PIEZO2: variants seen among roughly 807,000 people sequenced by gnomAD.
The protein encoded by PIEZO2 is piezo-type mechanosensitive ion channel component 2.
In PIEZO2, 172 loss-of-function variants were observed where a neutral mutation model predicts 337.3. The observed-to-expected ratio is 0.51, with a 90% CI of 0.45 to 0.58. The LOEUF (loss-of-function observed/expected upper bound fraction) is 0.58. Among genes scored for constraint, PIEZO2 ranks in the 20% least tolerant of loss-of-function variants. The pLI, the probability that PIEZO2 is intolerant of heterozygous loss-of-function variation, is 0.00. For synonymous variants in PIEZO2, 1,251 were observed against 1,228.5 expected (o/e 1.02, Z -0.38); for missense variants, 3,028 against 3,391.3 (o/e 0.89, Z 2.66).
chr18:11,148,455 T>C lies in PIEZO2; in HGVS notation c.64+70A>G. ...CAGAGCACCAGAGCCCTTCACTTTG[T>C]TAAGAAGTCCCCCACCCAGGCGCCC... On this transcript the variant is annotated intron_variant, in intron 1 of 55. Coordinates refer to ENST00000674853, the MANE Select transcript of PIEZO2 (RefSeq NM_001378183.1). This position sits in a 1 kb window ranked among gnomAD's most constrained non-coding sequence, Gnocchi z 5.2. 6.7e-7 allele frequency: 1 copy of C among 1,492,590 alleles called. No homozygotes were observed. 92.5% of individuals were successfully genotyped at this position (1,492,590 alleles called of 1,614,324 possible). A position where few individuals can be genotyped will look rare whatever the true frequency, so the allele number is the denominator to read the frequency against.
At chr18:10,779,910 G>A (rs1234753293) in intron 18 of PIEZO2, among the ~76,000 whole-genome samples, 1 of 152,172 alleles carries the variant, frequency 6.6e-6, no homozygotes, top group Non-Finnish European at 1.5e-5. Context: ...GAGTGCTACG[G>A]AGGTTCAGAG....
At position 10,847,598 on chromosome 18, in the gene PIEZO2, G is replaced by T. The variant is rs953126452; in HGVS notation, c.917+7755C>A. 6.6e-6 allele frequency among the ~76,000 whole-genome samples: 1 copy of T among 152,126 alleles called. No homozygotes were observed. Among genetic ancestry groups the T allele is most frequent in the East Asian group, 1.9e-4 (1 of 5,184 alleles). ...GGATCCCGGTCCCCACTACACCCAC[G>T]TAGGCCCCCAAACGATACCAAGGTC... On this transcript the variant is annotated intron_variant, in intron 7 of 55. Coordinates refer to ENST00000674853, the MANE Select transcript of PIEZO2 (RefSeq NM_001378183.1). This position sits in a 1 kb window ranked among gnomAD's most constrained non-coding sequence, Gnocchi z 5.7.
intron 2 of PIEZO2, among the ~76,000 whole-genome samples, chr18:10,984,335 C>T (rs992523048): frequency 6.6e-6 from 1 of 151,874 alleles, no homozygotes; most frequent in African/African-American, 2.4e-5. Context: ...AGATAAACTA[C>T]TAAATTAAAT....
chr18:10,970,017 T>C (rs2034170262), intron 3 of PIEZO2, among the ~76,000 whole-genome samples: 1 of 152,160 alleles, frequency 6.6e-6, no homozygotes, highest in South Asian at 2.1e-4. Flanking sequence ...AAATGAAACA[T>C]GAGAGGTTCT....
chr18:10,789,410 G>A lies in PIEZO2; in HGVS notation c.1883-45C>T, dbSNP rs985224886. ...CTGTTATACTTAGCTGGTTATCTGT[G>A]CAGACCACACTTTGACCATGTGATA... On this transcript the variant is annotated intron_variant, in intron 14 of 55. Coordinates refer to ENST00000674853, the MANE Select transcript of PIEZO2 (RefSeq NM_001378183.1). 8.7e-6 allele frequency: 13 copies of A among 1,499,958 alleles called. No homozygotes were observed. In the Admixed American group the frequency reaches 2.6e-4, roughly 30 times the overall value. 92.9% of individuals were successfully genotyped at this position (1,499,958 alleles called of 1,614,324 possible).
rs2034302342 is a variant in PIEZO2, at chr18:10,682,344, G to A, written c.7498-52C>T. On this transcript the variant is annotated intron_variant, in intron 49 of 55. Transcript: ENST00000674853. The surrounding 1 kb of genome is among the most constrained non-coding windows in gnomAD (Gnocchi z 5.6). ...CAGGCTCAGGCTCAGGTGCTTTCCC[G>A]CAGGCAGCGGGATTGGGGGAGAGCG... is the stretch of plus-strand genomic sequence containing the variant. The A allele has an allele frequency of 1.6e-5, 23 of 1,460,624 alleles. No individual in the cohort carries two copies. The highest frequency in any genetic ancestry group is 1.5e-4 in the East Asian group (6 of 40,456). 90.5% of individuals were successfully genotyped at this position (1,460,624 alleles called of 1,614,324 possible).
chr18:10,910,400 T>C (rs1175533993), intron 4 of PIEZO2, among the ~76,000 whole-genome samples: 3 of 152,062 alleles, frequency 2.0e-5, no homozygotes, highest in African/African-American at 4.8e-5. Flanking sequence ...CTGGCCAACA[T>C]AGTGAAACCC....
At chr18:10,807,049 C>A in intron 8 of PIEZO2, 63 bp downstream of exon 8, 2 of 1,436,596 alleles carry the variant, frequency 1.4e-6, no homozygotes, top group Admixed American at 2.1e-5. Context: ...AGGAGTGAAT[C>A]ATTTCACGTG....
rs1431460581 is a variant in PIEZO2, at chr18:10,821,557, C to A, written c.918-14283G>T. On this transcript the variant is annotated intron_variant, in intron 7 of 55. Transcript: ENST00000674853. This position sits in a 1 kb window ranked among gnomAD's most constrained non-coding sequence, Gnocchi z 4.2. ...ATATTTTATTTGTAACCAGCTTATA[C>A]ATTAAAATGAATAATTACATCTTGC... is the stretch of plus-strand genomic sequence containing the variant. Among the ~76,000 whole-genome samples, 1 of 152,162 alleles carries A rather than the reference C, an allele frequency of 6.6e-6. No individual in the cohort carries two copies. Among genetic ancestry groups the A allele is most frequent in the Non-Finnish European group, 1.5e-5 (1 of 68,030 alleles).
chr18:10,880,151 T>C (rs1276668979), intron 4 of PIEZO2, among the ~76,000 whole-genome samples: 1 of 152,198 alleles, frequency 6.6e-6, no homozygotes, highest in African/African-American at 2.4e-5. Flanking sequence ...ACTGCTTATA[T>C]TTTCCTGTGT....
Position 10,760,932 on chromosome 18 carries a change from G to C in PIEZO2, c.3429C>G (p.Phe1143Leu). 6.5e-7 allele frequency: 1 copy of C among 1,532,096 alleles called. No individual in the cohort carries two copies. Among genetic ancestry groups the C allele is most frequent in the Non-Finnish European group, 8.8e-7 (1 of 1,142,826 alleles). 94.9% of individuals were successfully genotyped at this position (1,532,096 alleles called of 1,614,324 possible). ...TCACCTCCAGACCAAACTTGTAAAA[G>C]AAGTAATTAATGAAATATTTGGCAC... ...INCAKYFINY[F>L]FYKFGLETCF... The change falls in exon 24 of 56, where the codon TTC (phenylalanine) becomes TTG (leucine). Residue 1143 changes from phenylalanine (F) to leucine (L), a missense_variant. By Grantham distance (22) the Phe-to-Leu change is conservative. Coordinates refer to ENST00000674853, the MANE Select transcript of PIEZO2 (RefSeq NM_001378183.1).
intron 49 of PIEZO2, among the ~76,000 whole-genome samples, chr18:10,688,046 T>C (rs2034628727): frequency 6.6e-6 from 1 of 152,242 alleles, no homozygotes. Context: ...TGTGTAGGTT[T>C]GTTACATAGG....
chr18:11,034,295 T>C (rs2036845487), intron 2 of PIEZO2, among the ~76,000 whole-genome samples: 1 of 149,988 alleles, frequency 6.7e-6, no homozygotes, highest in Non-Finnish European at 1.5e-5. Context: ...ATTTCTTTTC[T>C]TTTCTTTTTT....
At chr18:10,944,517 GATATATATATATAT>G (rs368272727) in intron 3 of PIEZO2, among the ~76,000 whole-genome samples, 662 of 49,840 alleles carry the variant, frequency 0.013, 12 homozygotes, top group African/African-American at 0.039. Context: ...CTTAGTAACA[GATATATATATATAT>G]ATATATATAT....
rs370404024 is a variant in PIEZO2 at position 10,680,365 on chromosome 18, T to C, written c.7786A>G (p.Met2596Val). The change falls in exon 52 of 56, where the codon ATG (methionine) becomes GTG (valine). Residue 2596 changes from methionine to valine, a missense_variant. Met to Val is a conservative substitution (Grantham distance 21). Around this residue, in one of 5 missense-constraint regions of PIEZO2, gnomAD observed 332 missense variants for 363.8 expected, o/e 0.91. Coordinates refer to ENST00000674853, the MANE Select transcript of PIEZO2 (RefSeq NM_001378183.1). ...IQAFSRDTGA[M>V]QFLENYEKED... ...TTTTCATAATTTTCCAGAAATTGCA[T>C]AGCACCCTGTATGTGCACAAATGCA... The C allele has an allele frequency of 3.1e-6, 5 of 1,613,726 alleles. No individual in the cohort carries two copies. The highest frequency in any genetic ancestry group is 4.2e-6 in the Non-Finnish European group (5 of 1,179,746).
rs565710721 is a variant in PIEZO2, at chr18:10,846,940, A to G, written c.917+8413T>C. Among the ~76,000 whole-genome samples the G allele has an allele frequency of 5.9e-5, 9 of 152,304 alleles. No individual in the cohort carries two copies. The highest frequency in any genetic ancestry group is 1.9e-4 in the African/African-American group (8 of 41,576). ...ATAATAAAAATATTTGATGACTACA[A>G]CAATAAAAATCAGTAGCACTTGATA... On this transcript the variant is annotated intron_variant, in intron 7 of 55. Transcript: ENST00000674853. The surrounding 1 kb of genome is among the most constrained non-coding windows in gnomAD (Gnocchi z 4.1).
At chr18:11,045,534 A>C (rs1430049909) in intron 2 of PIEZO2, among the ~76,000 whole-genome samples, 1 of 152,176 alleles carries the variant, frequency 6.6e-6, no homozygotes, top group Non-Finnish European at 1.5e-5. Flanking sequence ...AAATATAAAA[A>C]ATGTGGCATC....
At position 10,855,390 on chromosome 18, in the gene PIEZO2, A is replaced by G. The variant is rs528139925; in HGVS notation, c.880T>C (p.Phe294Leu). 10 of 1,537,090 alleles carry G rather than the reference A, an allele frequency of 6.5e-6. No individual in the cohort carries two copies. In the East Asian group the frequency reaches 2.4e-4, roughly 38 times the overall value. The change falls in exon 7 of 56, where the codon TTT becomes CTT. Residue 294 changes from phenylalanine (F) to leucine (L), a missense_variant. Transcript: ENST00000674853. This position sits in a 1 kb window ranked among gnomAD's most constrained non-coding sequence, Gnocchi z 4.9. Reference protein sequence around the residue: ...IGLYLYQFQFFQEAVPPNDYY... With the variant: ...IGLYLYQFQFLQEAVPPNDYY... Reference sequence around the variant, plus strand: ...TCATTGGGTGGAACTGCCTCTTGAAAGAATTGGAACTGGTATAAATAAAGT... The same window carrying G: ...TCATTGGGTGGAACTGCCTCTTGAAGGAATTGGAACTGGTATAAATAAAGT...
chr18:11,108,625 A>T (rs1472309629), intron 1 of PIEZO2, among the ~76,000 whole-genome samples: 7 of 151,432 alleles, frequency 4.6e-5, no homozygotes, highest in Non-Finnish European at 8.9e-5. Context: ...AAAAAAAAAA[A>T]AAAAAAAAAA....
Sources: gnomAD v4.1 joint callset for allele counts (sites outside exome capture counted in the v4.1 genomes callset) on GRCh38, gnomAD v4.1.1 for gene constraint, gnomAD v4.1.1 regional missense constraint, Gnocchi (gnomAD v3.1) non-coding constraint, MANE v1.5 for transcripts, NCBI Gene and HGNC (gene_info 2026-07-23, HGNC 2026-07-21) for gene names.